Variants in CTNND2 observed in about 807,000 individuals in gnomAD.
CTNND2 encodes the protein catenin delta-2.
In CTNND2, 22 loss-of-function variants were observed where a neutral mutation model predicts 144.4. That is an observed-to-expected ratio of 0.15 (90% CI 0.11 to 0.22). The LOEUF (loss-of-function observed/expected upper bound fraction) is 0.22, where lower values mean the gene tolerates loss of function less well. Ranked by LOEUF, CTNND2 falls within the 10% of genes least tolerant of loss-of-function variation. CTNND2 has a pLI of 1.00. For synonymous variants in CTNND2, 751 were observed against 695.6 expected (o/e 1.08, Z -1.25); for missense variants, 1,353 against 1,618.8 (o/e 0.84, Z 2.82).
rs572820436 is a variant in CTNND2 at position 11,392,843 on chromosome 5, G to T, written c.612+4188C>A. On this transcript the variant is annotated intron_variant, in intron 6 of 21. Coordinates refer to ENST00000304623, the MANE Select transcript of CTNND2 (RefSeq NM_001332.4). ...TTTTGTGTTTTCCAAATTTATTGGT[G>T]ACTTTTCTCTGCAGGTTTTACCTAA... Among the ~76,000 whole-genome samples the T allele has an allele frequency of 4.1e-4, 63 of 152,256 alleles. No homozygotes were observed. The South Asian group carries it at 0.013, about 31-fold the overall frequency.
At chr5:11,297,839 C>T (rs1351006057) in intron 9 of CTNND2, among the ~76,000 whole-genome samples, 1 of 152,078 alleles carries the variant, frequency 6.6e-6, no homozygotes, top group African/African-American at 2.4e-5. Flanking sequence ...ATTCCACCCA[C>T]CATTGTCTAA....
At chr5:11,529,284 G>A (rs1415686482) in intron 3 of CTNND2, among the ~76,000 whole-genome samples, 1 of 152,148 alleles carries the variant, frequency 6.6e-6, no homozygotes, top group African/African-American at 2.4e-5. Context: ...CAAAAACAGA[G>A]ATATTGTGTT....
chr5:11,098,864 C>T (rs1751607665), intron 14 of CTNND2, 116 bp from the exon 15 acceptor site: 8 of 903,562 alleles, frequency 8.9e-6, no homozygotes, highest in Non-Finnish European at 1.2e-5. Flanking sequence ...ATTTGCTGAA[C>T]ATAGACTGCA....
At chr5:11,515,727 G>C (rs1772104769) in intron 3 of CTNND2, among the ~76,000 whole-genome samples, 1 of 152,008 alleles carries the variant, frequency 6.6e-6, no homozygotes, top group African/African-American at 2.4e-5. Context: ...GAAGTGCATA[G>C]AAAATTTAAA....
chr5:11,108,488 T>C (rs1003671027), intron 14 of CTNND2, among the ~76,000 whole-genome samples: 1 of 152,190 alleles, frequency 6.6e-6, no homozygotes, highest in Non-Finnish European at 1.5e-5. Flanking sequence ...TACTGTTAAA[T>C]TGACTACAGT....
intron 9 of CTNND2, among the ~76,000 whole-genome samples, chr5:11,331,412 C>T (rs919264798): frequency 1.3e-5 from 2 of 152,004 alleles, no homozygotes; most frequent in African/African-American, 2.4e-5. Context: ...AGTAGGAACT[C>T]CTGAGGTTGT....
intron 16 of CTNND2, among the ~76,000 whole-genome samples, chr5:11,077,186 GA>G (rs778802338): frequency 1.3e-5 from 2 of 152,116 alleles, no homozygotes; most frequent in Non-Finnish European, 2.9e-5. Flanking sequence ...AGGTACATGG[GA>G]TATGCCAGCA....
At chr5:11,129,224 AAATATATAT>A (rs1755256478) in intron 12 of CTNND2, among the ~76,000 whole-genome samples, 1 of 23,298 alleles carries the variant, frequency 4.3e-5, no homozygotes, top group Non-Finnish European at 7.6e-5. Flanking sequence ...TATTATATAT[AAATATATAT>A]TATATATTAT....
At chr5:10,996,861 T>C (rs71599556) in intron 18 of CTNND2, among the ~76,000 whole-genome samples, 7,673 of 152,130 alleles carry the variant, frequency 0.05, 260 homozygotes, top group Non-Finnish European at 0.069. Context: ...CCTCCCAAAG[T>C]GTTGGGATTA....
intron 21 of CTNND2, among the ~76,000 whole-genome samples, chr5:10,975,682 G>T (rs1272352862): frequency 3.3e-5 from 5 of 152,204 alleles, no homozygotes; most frequent in Non-Finnish European, 7.3e-5. Context: ...GCCTCAAGGA[G>T]CTGACTCTAG....
chr5:11,046,824 T>TAAAAC (rs532384218), intron 16 of CTNND2, among the ~76,000 whole-genome samples: 2,193 of 152,018 alleles, frequency 0.014, 48 homozygotes, highest in African/African-American at 0.049. Flanking sequence ...CCAAATCTGT[T>TAAAAC]AAAACAAAAC....
At chr5:11,202,454 C>T (rs1056556564) in intron 10 of CTNND2, among the ~76,000 whole-genome samples, 1 of 152,062 alleles carries the variant, frequency 6.6e-6, no homozygotes, top group Non-Finnish European at 1.5e-5. Context: ...TAACCTTTTT[C>T]TTTTGCTCTT....
intron 9 of CTNND2, among the ~76,000 whole-genome samples, chr5:11,255,590 G>A (rs755803682): frequency 6.6e-6 from 1 of 151,350 alleles, no homozygotes; most frequent in Non-Finnish European, 1.5e-5. Flanking sequence ...ATCCATACTT[G>A]GCTGCGACCA....
chr5:11,401,870 G>A (rs1180345311), intron 5 of CTNND2, among the ~76,000 whole-genome samples: 4 of 152,102 alleles, frequency 2.6e-5, no homozygotes, highest in Non-Finnish European at 5.9e-5. Context: ...GAACACCTAA[G>A]GAGATAATGG....
At chr5:11,491,497 T>C (rs1769384087) in intron 3 of CTNND2, among the ~76,000 whole-genome samples, 2 of 152,130 alleles carry the variant, frequency 1.3e-5, no homozygotes, top group South Asian at 4.1e-4. Flanking sequence ...TTATTCCAGG[T>C]CCCAGCACTA....
At chr5:11,897,385 T>C (rs937984148) in intron 1 of CTNND2, among the ~76,000 whole-genome samples, 1 of 152,180 alleles carries the variant, frequency 6.6e-6, no homozygotes, top group African/African-American at 2.4e-5. Context: ...AGAAAAGCAA[T>C]GTTTATCTTC....
At chr5:11,445,382 G>C (rs1258770740) in intron 3 of CTNND2, among the ~76,000 whole-genome samples, 1 of 152,162 alleles carries the variant, frequency 6.6e-6, no homozygotes, top group Non-Finnish European at 1.5e-5. Flanking sequence ...GTCACGCACG[G>C]TTTCCCGAGA....
intron 17 of CTNND2, among the ~76,000 whole-genome samples, chr5:11,021,539 C>G (rs895852929): frequency 7.2e-5 from 11 of 152,152 alleles, no homozygotes; most frequent in African/African-American, 2.4e-4. Flanking sequence ...AGATATAGCT[C>G]AAGCCAACAG....
chr5:11,721,720 C>A (rs1430235296), intron 2 of CTNND2, among the ~76,000 whole-genome samples: 2 of 152,238 alleles, frequency 1.3e-5, no homozygotes, highest in Admixed American at 6.5e-5. Context: ...GCGTGCCTGT[C>A]CACATGGCCT....
Sources: gnomAD v4.1 joint callset for allele counts (sites outside exome capture counted in the v4.1 genomes callset) on GRCh38, gnomAD v4.1.1 for gene constraint, MANE v1.5 for transcripts, NCBI Gene and HGNC (gene_info 2026-07-23, HGNC 2026-07-21) for gene names.